Variants in PBX1 observed in about 807,000 individuals in gnomAD.
The protein encoded by PBX1 is PBX homeobox 1, also known as pre-B-cell leukemia transcription factor 1.
Under a neutral mutation model 53.4 loss-of-function variants are expected in PBX1, and 6 were observed. The ratio of observed to expected loss-of-function variants is 0.11; its 90% CI spans 0.06 to 0.22. The LOEUF (loss-of-function observed/expected upper bound fraction) is 0.22, where lower values mean the gene tolerates loss of function less well. Among genes scored for constraint, PBX1 ranks in the 10% least tolerant of loss-of-function variants. PBX1 has a pLI of 1.00. For synonymous variants in PBX1, 204 were observed against 212.3 expected, an observed-to-expected ratio of 0.96 and a Z score of 0.34; for missense variants, 251 against 551.4, an observed-to-expected ratio of 0.46 and a Z score of 5.46.
At chr1:164,753,965 A>G (rs1666360470) in intron 2 of PBX1, among the ~76,000 whole-genome samples, 1 of 152,070 alleles carries the variant, frequency 6.6e-6, no homozygotes, top group Admixed American at 6.6e-5. Flanking sequence ...TGTGGTGGAG[A>G]AGGGGTCAGT....
At chr1:164,645,714 C>T (rs1348923584) in intron 2 of PBX1, among the ~76,000 whole-genome samples, 4 of 152,226 alleles carry the variant, frequency 2.6e-5, no homozygotes, top group Admixed American at 1.3e-4. Context: ...ACCTCACTCC[C>T]GATTAATGTG....
chr1:164,586,256 T>A (rs1426915723), intron 2 of PBX1, among the ~76,000 whole-genome samples: 2 of 152,238 alleles, frequency 1.3e-5, no homozygotes, highest in African/African-American at 4.8e-5. Flanking sequence ...AAGACACATG[T>A]GCATGTATTT....
intron 2 of PBX1, among the ~76,000 whole-genome samples, chr1:164,716,927 CAGAG>C (rs1298437783): frequency 1.3e-5 from 2 of 151,970 alleles, no homozygotes; most frequent in African/African-American, 4.8e-5. Context: ...GTTTCGGAGA[CAGAG>C]AGCAGTTAAG....
chr1:164,806,267 C>T (rs918053115), intron 4 of PBX1, among the ~76,000 whole-genome samples: 1 of 152,042 alleles, frequency 6.6e-6, no homozygotes, highest in Non-Finnish European at 1.5e-5. Flanking sequence ...GTTCAATTAG[C>T]ACTTTTTTTT....
chr1:164,561,236 A>T (rs753458226), intron 1 of PBX1, among the ~76,000 whole-genome samples: 1 of 152,232 alleles, frequency 6.6e-6, no homozygotes, highest in African/African-American at 2.4e-5. Context: ...AGACATCATT[A>T]TGTGTATTTC....
chr1:164,567,311 A>G lies in PBX1; in HGVS notation c.265+4000A>G, dbSNP rs145230030. Among the ~76,000 whole-genome samples the G allele has an allele frequency of 4.8e-3, 726 of 152,340 alleles. 9 individuals are homozygous for G. The highest frequency in any genetic ancestry group is 0.016 in the African/African-American group (681 of 41,576). On this transcript the variant is annotated intron_variant, in intron 2 of 8. Coordinates refer to ENST00000420696, the MANE Select transcript of PBX1 (RefSeq NM_002585.4). ...GGAGTAAAATAACTTTAAACCATTT[A>G]GAAGCAGCCTCTGATCAGATTCCTT...
intron 2 of PBX1, among the ~76,000 whole-genome samples, chr1:164,610,479 G>A (rs1484072782): frequency 6.6e-6 from 1 of 152,152 alleles, no homozygotes; most frequent in Non-Finnish European, 1.5e-5. Flanking sequence ...TCTATGGCCT[G>A]CTTTCTTAAT....
chr1:164,681,773 A>G (rs1319128656), intron 2 of PBX1, among the ~76,000 whole-genome samples: 1 of 152,148 alleles, frequency 6.6e-6, no homozygotes, highest in African/African-American at 2.4e-5. Flanking sequence ...CCCATCCCCC[A>G]TGACATGTAA....
chr1:164,719,973 G>C (rs1007561853), intron 2 of PBX1, among the ~76,000 whole-genome samples: 3 of 152,118 alleles, frequency 2.0e-5, no homozygotes, highest in Non-Finnish European at 4.4e-5. Flanking sequence ...TGACCTTTTC[G>C]TGAAGCATTA....
chr1:164,780,739 C>T (rs1198198618), intron 2 of PBX1, among the ~76,000 whole-genome samples: 3 of 152,170 alleles, frequency 2.0e-5, no homozygotes, highest in African/African-American at 7.2e-5. Context: ...GATGTTATCT[C>T]TTTTATCCAG....
At chr1:164,643,383 A>G (rs1424038554) in intron 2 of PBX1, among the ~76,000 whole-genome samples, 1 of 152,180 alleles carries the variant, frequency 6.6e-6, no homozygotes, top group Non-Finnish European at 1.5e-5. Flanking sequence ...CAGGGTATAT[A>G]TTCTAGAAGA....
At position 164,574,576 on chromosome 1, in the gene PBX1, A is replaced by G. The variant is rs1050247718; in HGVS notation, c.265+11265A>G. Among the ~76,000 whole-genome samples the G allele has an allele frequency of 1.2e-4, 19 of 152,284 alleles. No individual in the cohort carries two copies. In the East Asian group the frequency reaches 3.7e-3, roughly 29 times the overall value. The stretch of plus-strand genomic sequence containing the variant: ...TCTAATTTCTCCTATGAATCCTTAT[A>G]TCTTTCCTAGATGGTCATGTAAAAC... On this transcript the variant is annotated intron_variant, in intron 2 of 8. Coordinates refer to ENST00000420696, the MANE Select transcript of PBX1 (RefSeq NM_002585.4).
intron 2 of PBX1, among the ~76,000 whole-genome samples, chr1:164,885,363 T>C (rs964246843): frequency 6.6e-6 from 1 of 152,212 alleles, no homozygotes; most frequent in Non-Finnish European, 1.5e-5. Flanking sequence ...GGGAAATATT[T>C]CTAGCTAGAG....
At chr1:164,805,971 A>G (rs563641034) in intron 4 of PBX1, among the ~76,000 whole-genome samples, 1 of 152,296 alleles carries the variant, frequency 6.6e-6, no homozygotes, top group East Asian at 1.9e-4. Flanking sequence ...TGAAAATACA[A>G]TATTAGCTGA....
intron 8 of PBX1, among the ~76,000 whole-genome samples, chr1:164,841,445 T>C (rs1220307165): frequency 6.6e-6 from 1 of 152,130 alleles, no homozygotes; most frequent in Admixed American, 6.5e-5. Context: ...ATTGAAGATT[T>C]CAACAGGGAG....
At chr1:164,783,510 T>C (rs907007041) in intron 2 of PBX1, among the ~76,000 whole-genome samples, 3 of 152,200 alleles carry the variant, frequency 2.0e-5, no homozygotes, top group Non-Finnish European at 4.4e-5. Context: ...TCTAAATCTA[T>C]CCTGCTTTTT....
At chr1:164,575,662 A>G (rs927461414) in intron 2 of PBX1, among the ~76,000 whole-genome samples, 2 of 152,230 alleles carry the variant, frequency 1.3e-5, no homozygotes, top group Non-Finnish European at 2.9e-5. Flanking sequence ...GCCTACATCC[A>G]TTCTGAAAGG....
rs985359684 is a variant in PBX1 at position 164,575,578 on chromosome 1, A to G, written c.265+12267A>G. ...ATCCTCCTTATAATTACCATTGTTA[A>G]TAGAATTGAAACTTTGCATTTGTCT... On this transcript the variant is annotated intron_variant, in intron 2 of 8. Coordinates refer to ENST00000420696, the MANE Select transcript of PBX1 (RefSeq NM_002585.4). Among the ~76,000 whole-genome samples the G allele has an allele frequency of 3.3e-5, 5 of 152,126 alleles. No homozygotes were observed. In the East Asian group the frequency reaches 5.8e-4, roughly 18 times the overall value.
chr1:164,752,289 T>G (rs533263626), intron 2 of PBX1, among the ~76,000 whole-genome samples: 57 of 149,026 alleles, frequency 3.8e-4, no homozygotes, highest in Non-Finnish European at 7.4e-4. Context: ...ACTTAGCTCT[T>G]AAGAAAGGAA....
Sources: allele counts gnomAD v4.1 joint callset (sites outside exome capture counted in the v4.1 genomes callset), GRCh38; gene constraint gnomAD v4.1.1; transcripts MANE v1.5; gene names NCBI Gene and HGNC (gene_info 2026-07-23, HGNC 2026-07-21).